The following CYB5R2 variants were observed in gnomAD, a reference collection of about 807,000 sequenced individuals.
The protein encoded by CYB5R2 is NADH-cytochrome b5 reductase 2.
Under a neutral mutation model 29.8 loss-of-function variants are expected in CYB5R2, and 35 were observed. The ratio of observed to expected loss-of-function variants is 1.17; its 90% CI spans 0.90 to 1.56. The LOEUF is 1.56. CYB5R2 is among the 40% of genes most tolerant of loss of function. The probability of loss-of-function intolerance (pLI) is 0.00; values close to 1 mark genes in which losing one functional copy is unlikely to be tolerated. For missense variants in CYB5R2, 419 were observed against 346.7 expected (o/e 1.21, Z -1.66); for synonymous variants, 169 against 130.6 (o/e 1.29, Z -2.01).
rs865993844 is a variant in CYB5R2, at chr11:7,668,849, C to A, written c.389-288G>T. 185 of 579,544 alleles carry A rather than the reference C, an allele frequency of 3.2e-4. 1 individual carries two copies. In the Middle Eastern group the frequency reaches 4.0e-3, roughly 13 times the overall value. The allele number at this position is 579,544 out of a possible 1,614,324, so 35.9% of individuals were successfully genotyped here. On this transcript the variant is annotated intron_variant, in intron 5 of 8. Coordinates refer to ENST00000299498, the MANE Select transcript of CYB5R2 (RefSeq NM_016229.5). ...CACAGAGACTCAAAGAGCATTCTCA[C>A]TCACGGAGGTGAACCAGTGAGTAAA...
intron 6 of CYB5R2, 98 bp downstream of exon 6, chr11:7,668,380 G>T: frequency 2.1e-6 from 2 of 964,168 alleles, no homozygotes; most frequent in Non-Finnish European, 1.7e-6. Flanking sequence ...AGCTGGAGGC[G>T]AAATCTCTCA....
chr11:7,665,808 A>G (rs947488746), intron 8 of CYB5R2: 3 of 1,513,222 alleles, frequency 2.0e-6, no homozygotes, highest in Non-Finnish European at 2.7e-6. Flanking sequence ...ACGAGGAAGG[A>G]GAACACAACG....
chr11:7,668,588 C>T, intron 5 of CYB5R2, 27 bp from the exon 6 acceptor site: 1 of 1,570,408 alleles, frequency 6.4e-7, no homozygotes, highest in African/African-American at 1.3e-5. Context: ...TGCTTATGAC[C>T]TCTGCAGTTC....
chr11:7,667,595 T>A, intron 7 of CYB5R2, 133 bp downstream of exon 7: 1 of 810,024 alleles, frequency 1.2e-6, no homozygotes, highest in Non-Finnish European at 2.1e-6. Flanking sequence ...AGCAGCCCTG[T>A]TGATCCCACT....
In CYB5R2 at chr11:7,665,259, C is replaced by T. The variant is rs556483389; in HGVS notation, c.*115G>A. 27 of 895,834 alleles carry T rather than the reference C, an allele frequency of 3.0e-5. No homozygotes were observed. Among genetic ancestry groups the T allele is most frequent in the African/African-American group, 1.0e-4 (6 of 59,648 alleles). The allele number at this position is 895,834 out of a possible 1,614,324, so 55.5% of individuals were successfully genotyped here. ...CCCAAAAGAGGAGAACCAGTGTGTG[C>T]GCGAAGGTACATGGCAAGGCACTTT... is the stretch of plus-strand genomic sequence containing the variant. On this transcript the variant is annotated 3_prime_UTR_variant, in exon 9 of 9. Coordinates refer to ENST00000299498, the MANE Select transcript of CYB5R2 (RefSeq NM_016229.5).
At chr11:7,669,521 C>T (rs2136123385) in intron 4 of CYB5R2, 104 bp downstream of exon 4, 5 of 1,222,028 alleles carry the variant, frequency 4.1e-6, no homozygotes, top group Non-Finnish European at 5.8e-6. Context: ...GAAAGCCCTG[C>T]CTAGGGCATA....
upstream of CYB5R2, chr11:7,673,727 G>C: frequency 1.0e-6 from 1 of 986,236 alleles, no homozygotes; most frequent in Non-Finnish European, 1.2e-6. Flanking sequence ...CCCGGAGTGA[G>C]ACGCCCAACA....
At chr11:7,667,911 A>T in intron 6 of CYB5R2, 98 bp from the exon 7 acceptor site, 2 of 994,406 alleles carry the variant, frequency 2.0e-6, no homozygotes. Flanking sequence ...AGCCCAAGTT[A>T]TCCTTTTCTC....
chr11:7,668,510 G>T lies in CYB5R2; in HGVS notation c.440C>A (p.Ala147Asp). 6.2e-7 allele frequency: 1 copy of T among 1,614,052 alleles called. No individual in the cohort carries two copies. Among genetic ancestry groups the T allele is most frequent in the South Asian group, 1.1e-5 (1 of 91,070 alleles). The change falls in exon 6 of 9, where the codon GCC (alanine) becomes GAC (aspartate). Residue 147 changes from alanine (A) to aspartate (D), a missense_variant. Transcript: ENST00000299498. ...DQTSEPKKTLADHLGMIAGGT... is the reference protein window; with the variant it reads ...DQTSEPKKTLDDHLGMIAGGT... ...CCCAGCAATCATTCCCAGGTGATCG[G>T]CCAGTGTTTTTTTAGGCTCACTCGT...
At chr11:7,672,930 C>A (rs552870896) in intron 1 of CYB5R2, 39 bp from the exon 2 acceptor site, 16 of 1,579,652 alleles carry the variant, frequency 1.0e-5, no homozygotes, top group African/African-American at 1.4e-5. Flanking sequence ...TCAGGTCTTG[C>A]CCGCCCTGGA....
At chr11:7,668,984 CGAG>C in intron 5 of CYB5R2, 1 of 681,624 alleles carries the variant, frequency 1.5e-6, no homozygotes, top group Non-Finnish European at 2.7e-6. Context: ...GATACAATGA[CGAG>C]GAAACACCAA....
intron 5 of CYB5R2, chr11:7,668,878 T>A: frequency 3.5e-6 from 2 of 574,866 alleles, no homozygotes; most frequent in Non-Finnish European, 6.3e-6. Flanking sequence ...GAGTAAACAA[T>A]GGCTATGTGA....
At chr11:7,668,765 T>C (rs952827272) in intron 5 of CYB5R2, 2 of 615,178 alleles carry the variant, frequency 3.3e-6, no homozygotes, top group African/African-American at 3.7e-5. Context: ...AGCCTGGGCT[T>C]GGTCGGGGAA....
At chr11:7,673,128 C>T (rs1855863370) in intron 1 of CYB5R2, 2 of 442,276 alleles carry the variant, frequency 4.5e-6, no homozygotes, top group Non-Finnish European at 8.2e-6. Context: ...GCCCCTGGAG[C>T]AGGCAGCACA....
At chr11:7,668,699 G>C (rs1046752679) in intron 5 of CYB5R2, 138 bp from the exon 6 acceptor site, 2 of 748,922 alleles carry the variant, frequency 2.7e-6, no homozygotes, top group Non-Finnish European at 4.7e-6. Context: ...TGGAGAAGCA[G>C]GCCAGGGCAG....
rs1855328511 is a variant in CYB5R2 at position 7,667,179 on chromosome 11, G to GT, written c.558+548dup. 4 of 152,198 alleles carry GT rather than the reference G, an allele frequency of 2.6e-5. No individual in the cohort carries two copies. In the South Asian group the frequency reaches 8.3e-4, roughly 32 times the overall value. The allele number at this position is 152,198 out of a possible 1,614,324, so 9.4% of individuals were successfully genotyped here. A position where few individuals can be genotyped will look rare whatever the true frequency, so the allele number is the denominator to read the frequency against. ...GAAAATAATCTAAAAGTAATCAAGC[G>GT]TAGGCACAATTATTCATCACCATAT... On this transcript the variant is annotated intron_variant, in intron 7 of 8. Transcript: ENST00000299498.
At chr11:7,666,660 G>C (rs1855263590) in intron 7 of CYB5R2, 110 bp from the exon 8 acceptor site, 2 of 674,206 alleles carry the variant, frequency 3.0e-6, no homozygotes, top group East Asian at 2.8e-5. Context: ...ACTCCAGCTG[G>C]AGTGCTCGCT....
rs755995263 is a variant in CYB5R2 at position 7,666,424 on chromosome 11, GGTGA to G, written c.658+23_658+26del. ...TGGTCAAGGGTTGGTGCTGACCCAT[GGTGA>G]GTGAGGGCAATGGATGTCGTACCAA... On this transcript the variant is annotated intron_variant, in intron 8 of 8. Transcript: ENST00000299498. 7.5e-5 allele frequency: 109 copies of G among 1,460,876 alleles called. 1 individual carries two copies. The highest frequency in any genetic ancestry group is 5.5e-5 in the Non-Finnish European group (57 of 1,041,794). The allele number at this position is 1,460,876 out of a possible 1,614,324, so 90.5% of individuals were successfully genotyped here.
chr11:7,673,339 A>G (rs960067000), intron 1 of CYB5R2, 80 bp downstream of exon 1: 3 of 1,028,680 alleles, frequency 2.9e-6, no homozygotes, highest in Admixed American at 9.8e-5. Context: ...GGGACTCCCC[A>G]ACAGTCTCCT....
Sources: gnomAD v4.1 joint callset for allele counts on GRCh38, gnomAD v4.1.1 for gene constraint, MANE v1.5 for transcripts, NCBI Gene and HGNC (gene_info 2026-07-23, HGNC 2026-07-21) for gene names.